Variants in STK10 observed in about 807,000 individuals in gnomAD.
STK10 encodes serine/threonine kinase 10.
A neutral mutation model predicts 113.8 loss-of-function variants in STK10; 78 were observed. That is an observed-to-expected ratio of 0.69 (90% CI 0.57 to 0.83). The LOEUF is 0.83. STK10 is among the 40% of genes least tolerant of loss of function. The pLI, the probability that STK10 is intolerant of heterozygous loss-of-function variation, is 0.00. For missense variants in STK10, 1,109 were observed against 1,280.1 expected, an observed-to-expected ratio of 0.87 and a Z score of 2.04; for synonymous variants, 465 against 494.7, an observed-to-expected ratio of 0.94 and a Z score of 0.80.
In STK10 at chr5:172,083,780, C is replaced by T. The variant is rs181876582; in HGVS notation, c.1686-696G>A. The stretch of plus-strand genomic sequence containing the variant: ...AAAATTAGCTGGACATGGTGGCACA[C>T]GCCTGTACTCCCAGCTACTCAGGAG... On this transcript the variant is annotated intron_variant, in intron 10 of 18. Transcript: ENST00000176763. Among the ~76,000 whole-genome samples the T allele has an allele frequency of 3.2e-4, 48 of 152,002 alleles. 1 individual carries two copies. Among genetic ancestry groups the T allele is most frequent in the African/African-American group, 1.1e-3 (46 of 41,482 alleles).
chr5:172,050,942 G>C (rs1339965222), intron 18 of STK10, among the ~76,000 whole-genome samples: 1 of 152,076 alleles, frequency 6.6e-6, no homozygotes, highest in East Asian at 1.9e-4. Context: ...CGAACTCCTG[G>C]GTTCACACCT....
chr5:172,137,170 A>G (rs1288847840), intron 2 of STK10, among the ~76,000 whole-genome samples: 2 of 152,146 alleles, frequency 1.3e-5, no homozygotes, highest in African/African-American at 4.8e-5. Context: ...TCCCTTAACT[A>G]TAAACGTCTT....
Position 172,105,682 on chromosome 5 carries a change from G to T in STK10, c.844C>A (p.Arg282=). Residue 282 remains arginine (R), a synonymous_variant, in exon 7 of 19, where the codon CGA becomes AGA. Transcript: ENST00000176763. ...KIALDKNPET[R]PSAAQLLEHP... ...TCCAGCAGCTGCGCGGCACTGGGTC[G>T]GGTTTCTGGGTTCTTATCCAGGGCT... 1 of 1,613,850 alleles carries T rather than the reference G, an allele frequency of 6.2e-7. No individual in the cohort carries two copies. The highest frequency in any genetic ancestry group is 8.5e-7 in the Non-Finnish European group (1 of 1,180,018).
intron 7 of STK10, among the ~76,000 whole-genome samples, chr5:172,098,870 C>CCACCATCATCACCTT (rs1768913638): frequency 6.6e-6 from 1 of 151,814 alleles, no homozygotes; most frequent in African/African-American, 2.4e-5. Flanking sequence ...ATCATCACCA[C>CCACCATCATCACCTT]CACCACCATC....
intron 4 of STK10, chr5:172,114,459 A>ATG (rs1769322541): frequency 3.6e-5 from 1 of 27,774 alleles, no homozygotes; most frequent in African/African-American, 1.5e-4. Flanking sequence ...TTATATATAT[A>ATG]TATATATATA....
intron 10 of STK10, among the ~76,000 whole-genome samples, chr5:172,084,670 C>CT (rs1158276616): frequency 3.9e-4 from 57 of 145,044 alleles, no homozygotes; most frequent in Non-Finnish European, 7.1e-4. Context: ...TATCTTCTTT[C>CT]TTTTTTTTTT....
intron 1 of STK10, among the ~76,000 whole-genome samples, chr5:172,176,487 G>T (rs17074401): frequency 0.2 from 30,728 of 151,998 alleles, 3,197 homozygotes; most frequent in Middle Eastern, 0.25. Flanking sequence ...GGTCACCAGG[G>T]TCGGTCACTC....
chr5:172,121,873 T>C (rs1324297045), intron 3 of STK10, among the ~76,000 whole-genome samples: 2 of 6,202 alleles, frequency 3.2e-4, no homozygotes, highest in Non-Finnish European at 8.5e-4. Context: ...GCTAATATAC[T>C]TTTTTTTTTT....
rs750359776 is a variant in STK10, at chr5:172,044,785, G to A, written c.*97C>T. The A allele has an allele frequency of 3.1e-6, 5 of 1,592,060 alleles. No homozygotes were observed. The South Asian group carries it at 3.3e-5, about 11-fold the overall frequency. ...GGGCTGGATTTGAGCTGGCACAGAC[G>A]CAAGAGGGAAAAGGGGTCCTGAGTT... On this transcript the variant is annotated 3_prime_UTR_variant, in exon 19 of 19. Coordinates refer to ENST00000176763, the MANE Select transcript of STK10 (RefSeq NM_005990.4). The surrounding 1 kb of genome is among the most constrained non-coding windows in gnomAD (Gnocchi z 4.5).
chr5:172,180,508 C>T (rs7446850), intron 1 of STK10, among the ~76,000 whole-genome samples: 36,658 of 147,480 alleles, frequency 0.25, 6,153 homozygotes, highest in African/African-American at 0.49. Context: ...AATACAGCAA[C>T]GGCCAGGTGC....
At chr5:172,098,917 A>T (rs1241410335) in intron 7 of STK10, among the ~76,000 whole-genome samples, 2 of 151,852 alleles carry the variant, frequency 1.3e-5, no homozygotes, top group Non-Finnish European at 2.9e-5. Flanking sequence ...CATCACCACC[A>T]TCATTACCAT....
intron 12 of STK10, among the ~76,000 whole-genome samples, chr5:172,081,497 C>T (rs1418241622): frequency 3.7e-4 from 56 of 152,062 alleles, no homozygotes; most frequent in Non-Finnish European, 4.4e-5. Flanking sequence ...CGCTTTATTG[C>T]GGTGGTATGG....
chr5:172,177,821 T>A lies in STK10; in HGVS notation c.156+10066A>T, dbSNP rs1369330319. Among the ~76,000 whole-genome samples, 4 of 152,060 alleles carry A rather than the reference T, an allele frequency of 2.6e-5. No individual in the cohort carries two copies. The East Asian group carries it at 7.7e-4, about 29-fold the overall frequency. On this transcript the variant is annotated intron_variant, in intron 1 of 18. Transcript: ENST00000176763. Reference sequence around the variant, plus strand: ...CAGAGACAGAAGGGACCAACTTACCTGTTTTTGTTTTGTTTTGTTTTGTTG... The same window carrying A: ...CAGAGACAGAAGGGACCAACTTACCAGTTTTTGTTTTGTTTTGTTTTGTTG...
intron 2 of STK10, among the ~76,000 whole-genome samples, chr5:172,137,698 G>A (rs1769892008): frequency 1.4e-5 from 2 of 146,826 alleles, no homozygotes; most frequent in African/African-American, 5.1e-5. Context: ...GGCTAACACA[G>A]TGAAATCCCA....
chr5:172,073,817 TAGTC>T (rs1396876323), intron 12 of STK10, among the ~76,000 whole-genome samples: 1 of 112,492 alleles, frequency 8.9e-6, no homozygotes, highest in African/African-American at 4.3e-5. Context: ...AAAAAAAAAT[TAGTC>T]AGGCGTGGTG....
intron 1 of STK10, among the ~76,000 whole-genome samples, chr5:172,186,514 C>G (rs1284818288): frequency 6.6e-6 from 1 of 151,568 alleles, no homozygotes; most frequent in African/African-American, 2.4e-5. Flanking sequence ...CCTAGCTACT[C>G]CGAAGGCTGA....
intron 2 of STK10, among the ~76,000 whole-genome samples, chr5:172,131,772 G>GT (rs1441600485): frequency 4.6e-5 from 7 of 152,162 alleles, no homozygotes; most frequent in Non-Finnish European, 1.0e-4. Context: ...AGTCTCAACA[G>GT]TAACAGATAA....
intron 18 of STK10, among the ~76,000 whole-genome samples, chr5:172,047,729 G>A (rs531218630): frequency 6.6e-6 from 1 of 152,246 alleles, no homozygotes; most frequent in African/African-American, 2.4e-5. Flanking sequence ...CAGGACTTCA[G>A]GACCCGTGGG....
intron 2 of STK10, among the ~76,000 whole-genome samples, chr5:172,136,174 A>T (rs1769854300): frequency 6.6e-6 from 1 of 152,224 alleles, no homozygotes; most frequent in South Asian, 2.1e-4. Flanking sequence ...GAACAACTGT[A>T]TGACAACAAA....
Sources: gnomAD v4.1 joint callset for allele counts (sites outside exome capture counted in the v4.1 genomes callset) on GRCh38, gnomAD v4.1.1 for gene constraint, Gnocchi (gnomAD v3.1) non-coding constraint, MANE v1.5 for transcripts, NCBI Gene and HGNC (gene_info 2026-07-23, HGNC 2026-07-21) for gene names.